Variants in STARD8 observed in about 807,000 individuals in gnomAD.
STARD8 encodes the protein stAR-related lipid transfer protein 8.
A neutral mutation model predicts 69.4 loss-of-function variants in STARD8; 25 were observed. That is an observed-to-expected ratio of 0.36 (90% CI 0.26 to 0.50). STARD8 has a LOEUF of 0.50. STARD8 is among the 20% of genes least tolerant of loss of function. STARD8 has a pLI of 0.96. For synonymous variants in STARD8, 389 were observed against 374.6 expected (o/e 1.04, Z -0.45); for missense variants, 921 against 932.5 (o/e 0.99, Z 0.16).
chrX:68,676,997 T>A (rs955631539), intron 2 of STARD8, among the ~76,000 whole-genome samples: 9 of 107,839 alleles, frequency 8.3e-5, no homozygotes, highest in Non-Finnish European at 1.5e-4. Context: ...AAAAAAAAAA[T>A]TAGCCAGGTG....
At chrX:68,722,198 C>A (rs1243297607) in intron 11 of STARD8, 37 bp downstream of exon 11, 8 of 1,122,279 alleles carry the variant, frequency 7.1e-6, no homozygotes, top group Non-Finnish European at 8.5e-6. Context: ...ACTTACCAGA[C>A]CTGGGGGAAC....
At chrX:68,712,841 C>T (rs2080061605) in intron 2 of STARD8, 73 bp from the exon 3 acceptor site, 2 of 1,004,219 alleles carry the variant, frequency 2.0e-6, no homozygotes, top group East Asian at 3.3e-5. Flanking sequence ...GGGCAGCATG[C>T]ACCTAGGGCC....
At chrX:68,665,327 C>T (rs2079676351) in intron 1 of STARD8, among the ~76,000 whole-genome samples, 172 bp from the exon 2 acceptor site, 2 of 111,662 alleles carry the variant, frequency 1.8e-5, no homozygotes, top group South Asian at 7.6e-4. Flanking sequence ...AGCCAGGAGT[C>T]TGGGTCTGGG....
Position 68,712,828 on chromosome X carries a change from G to GCC in STARD8, c.80-86_80-85insCC. 6 of 878,280 alleles carry GCC rather than the reference G, an allele frequency of 6.8e-6. No homozygotes were observed. The South Asian group carries it at 1.4e-4, about 20-fold the overall frequency. 72.4% of individuals were successfully genotyped at this position (878,280 alleles called of 1,213,427 possible). ...GAATGAGACATGTCTGCCTGCTGGG[G>GCC]TTGGGCAGCATGCACCTAGGGCCCT... On this transcript the variant is annotated intron_variant, in intron 2 of 14. Transcript: ENST00000374599.
chrX:68,647,793 C>G lies in STARD8; in HGVS notation c.-90C>G. ...AGGGACCGGGCTGGCTCTCGCCGAG[C>G]CCCGGGCCTCTTTTAGCCTCGTCCC... is the stretch of plus-strand genomic sequence containing the variant. On this transcript the variant is annotated 5_prime_UTR_variant, in exon 1 of 15. Coordinates refer to ENST00000374599, the MANE Select transcript of STARD8 (RefSeq NM_001142503.3). 9.1e-7 allele frequency: 1 copy of G among 1,101,843 alleles called. No individual in the cohort carries two copies. Among genetic ancestry groups the G allele is most frequent in the Admixed American group, 2.7e-5 (1 of 37,415 alleles). 90.8% of individuals were successfully genotyped at this position (1,101,843 alleles called of 1,213,427 possible). A position where few individuals can be genotyped will look rare whatever the true frequency, so the allele number is the denominator to read the frequency against.
At chrX:68,679,823 A>T (rs765391654) in intron 2 of STARD8, among the ~76,000 whole-genome samples, 1 of 111,600 alleles carries the variant, frequency 9.0e-6, no homozygotes, top group African/African-American at 3.3e-5. Context: ...AGGCCTTCCG[A>T]TTGGGCTCCT....
intron 2 of STARD8, among the ~76,000 whole-genome samples, chrX:68,679,615 TC>T (rs1363390486): frequency 1.8e-5 from 2 of 111,742 alleles, no homozygotes; most frequent in Non-Finnish European, 3.8e-5. Context: ...GGAAGGGGGA[TC>T]CCCGATGTGA....
At chrX:68,685,703 T>C (rs2079827368) in intron 2 of STARD8, among the ~76,000 whole-genome samples, 1 of 112,679 alleles carries the variant, frequency 8.9e-6, no homozygotes, top group African/African-American at 3.2e-5. Context: ...GGCCAAGTCA[T>C]TTGCATTCTT....
At chrX:68,653,048 A>G in intron 1 of STARD8, among the ~76,000 whole-genome samples, 1 of 24,044 alleles carries the variant, frequency 4.2e-5, no homozygotes, top group Non-Finnish European at 8.0e-5. Flanking sequence ...CACACACATC[A>G]CACACCACAC....
chrX:68,703,136 T>A (rs2079978642), intron 2 of STARD8, among the ~76,000 whole-genome samples: 1 of 111,489 alleles, frequency 9.0e-6, no homozygotes, highest in Non-Finnish European at 1.9e-5. Context: ...GGTGCACGCC[T>A]GTAGTCCCAG....
chrX:68,651,311 G>A (rs907430545), intron 1 of STARD8, among the ~76,000 whole-genome samples: 36 of 112,908 alleles, frequency 3.2e-4, no homozygotes, highest in African/African-American at 1.1e-3. Flanking sequence ...CATGTCCTTG[G>A]CAGATGTGAA....
At chrX:68,692,474 C>T (rs1391109383) in intron 2 of STARD8, among the ~76,000 whole-genome samples, 1 of 111,947 alleles carries the variant, frequency 8.9e-6, no homozygotes, top group Non-Finnish European at 1.9e-5. Flanking sequence ...CCCTGGGTGA[C>T]CTTGATAAAG....
chrX:68,654,263 G>A (rs1447127961), intron 1 of STARD8, among the ~76,000 whole-genome samples: 1 of 111,191 alleles, frequency 9.0e-6, no homozygotes, highest in African/African-American at 3.3e-5. Flanking sequence ...CTCCCTACTC[G>A]TTCTGTGGCA....
chrX:68,653,932 G>A (rs1325450328), intron 1 of STARD8, among the ~76,000 whole-genome samples: 2 of 112,159 alleles, frequency 1.8e-5, no homozygotes, highest in Non-Finnish European at 3.8e-5. Flanking sequence ...TCCGCTTCAG[G>A]TGGGCATATC....
chrX:68,713,439 C>T (rs1010985225), intron 3 of STARD8, among the ~76,000 whole-genome samples: 12 of 111,812 alleles, frequency 1.1e-4, no homozygotes, highest in African/African-American at 2.9e-4. Context: ...CCTTTTCTCC[C>T]CACACCCCTA....
chrX:68,647,740 C>A lies in STARD8; in HGVS notation c.-143C>A. ...CCGGCAACCGCTGCTCTCCGCCTCT[C>A]CCCTCGCGGGGCCGGCTCATGGAGC... On this transcript the variant is annotated 5_prime_UTR_variant, in exon 1 of 15. Transcript: ENST00000374599. 1 of 767,705 alleles carries A rather than the reference C, an allele frequency of 1.3e-6. No homozygotes were observed. Among genetic ancestry groups the A allele is most frequent in the Non-Finnish European group, 1.8e-6 (1 of 546,971 alleles). 63.3% of individuals were successfully genotyped at this position (767,705 alleles called of 1,213,427 possible).
chrX:68,661,964 CTCTCTCTCTTTCTTTCTT>C (rs1255175484), intron 1 of STARD8, among the ~76,000 whole-genome samples: 54 of 79,484 alleles, frequency 6.8e-4, no homozygotes, highest in African/African-American at 3.2e-3. Flanking sequence ...CTCTCTCTCT[CTCTCTCTCTTTCTTTCTT>C]TCTTTCTTTC....
At position 68,657,222 on chromosome X, in the gene STARD8, G is replaced by C. The variant is rs752139781; in HGVS notation, c.46-8277G>C. ...CTCCTACCTTATAGGGCTGTAGTAA[G>C]GATCAAATGAGAATGATCCCAAAGC... On this transcript the variant is annotated intron_variant, in intron 1 of 14. Coordinates refer to ENST00000374599, the MANE Select transcript of STARD8 (RefSeq NM_001142503.3). Among the ~76,000 whole-genome samples the C allele has an allele frequency of 2.4e-4, 27 of 111,733 alleles. 1 individual carries two copies. Among genetic ancestry groups the C allele is most frequent in the Non-Finnish European group, 1.5e-4 (8 of 53,138 alleles).
intron 3 of STARD8, among the ~76,000 whole-genome samples, chrX:68,714,356 C>T (rs2080075375): frequency 8.9e-6 from 1 of 112,497 alleles, no homozygotes; most frequent in African/African-American, 3.2e-5. Flanking sequence ...CTCTTTCCCT[C>T]TTCAGAGCCT....
Sources: gnomAD v4.1 joint callset for allele counts (sites outside exome capture counted in the v4.1 genomes callset) on GRCh38, gnomAD v4.1.1 for gene constraint, MANE v1.5 for transcripts, NCBI Gene and HGNC (gene_info 2026-07-23, HGNC 2026-07-21) for gene names.